NR1D2: variants seen among roughly 807,000 people sequenced by gnomAD.
NR1D2 encodes nuclear receptor subfamily 1 group D member 2, also known as V-erbA-related protein 1-related.
In NR1D2, 25 loss-of-function variants were observed where a neutral mutation model predicts 52.2. That is an observed-to-expected ratio of 0.48 (90% confidence interval 0.35 to 0.67). The LOEUF is 0.67. NR1D2 is among the 30% of genes least tolerant of loss of function. The probability of loss-of-function intolerance (pLI) is 0.01; values close to 1 mark genes in which losing one functional copy is unlikely to be tolerated. For missense variants in NR1D2, 681 were observed against 707.2 expected (o/e 0.96, Z 0.42); for synonymous variants, 259 against 230.1 (o/e 1.13, Z -1.14).
intron 4 of NR1D2, among the ~76,000 whole-genome samples, 166 bp from the exon 5 acceptor site, chr3:23,961,811 G>T (rs1412648849): frequency 6.6e-6 from 1 of 151,988 alleles, no homozygotes; most frequent in Non-Finnish European, 1.5e-5. Context: ...ACTTCCTTTG[G>T]TGCATCAAGA....
In NR1D2 at chr3:23,953,486, A is replaced by C. The variant is rs7619870; in HGVS notation, c.17-1051A>C. ...TTACTGTTATTCTGGTATAGCATGC[A>C]TTCTTCTAGCATCTTTAACACCTAT... On this transcript the variant is annotated intron_variant, in intron 1 of 7. Transcript: ENST00000312521. 4.5e-4 allele frequency among the ~76,000 whole-genome samples: 68 copies of C among 151,954 alleles called. 1 individual carries two copies. Among genetic ancestry groups the C allele is most frequent in the Admixed American group, 1.0e-3 (16 of 15,280 alleles).
intron 1 of NR1D2, among the ~76,000 whole-genome samples, chr3:23,948,032 G>C (rs779224173): frequency 6.6e-5 from 10 of 151,850 alleles, no homozygotes; most frequent in Non-Finnish European, 1.3e-4. Context: ...CAGCAGAATA[G>C]CTTGAACCTG....
chr3:23,958,796 A>G (rs943850022), intron 3 of NR1D2, among the ~76,000 whole-genome samples: 1 of 151,992 alleles, frequency 6.6e-6, no homozygotes, highest in Non-Finnish European at 1.5e-5. Context: ...AAAAATACAA[A>G]AAATTAGCCA....
At chr3:23,976,954 A>T (rs1706742303) in intron 7 of NR1D2, among the ~76,000 whole-genome samples, 1 of 152,078 alleles carries the variant, frequency 6.6e-6, no homozygotes, top group South Asian at 2.1e-4. Flanking sequence ...AAAAGTCAGA[A>T]CCTCTATGTT....
chr3:23,958,642 T>TAAAAAAAAA (rs35959367), intron 3 of NR1D2, among the ~76,000 whole-genome samples: 2 of 98,098 alleles, frequency 2.0e-5, no homozygotes, highest in Non-Finnish European at 3.9e-5. Flanking sequence ...CCTGTCTCTT[T>TAAAAAAAAA]AAAAAAAAAA....
intron 5 of NR1D2, among the ~76,000 whole-genome samples, 189 bp downstream of exon 5, chr3:23,962,794 C>A (rs1706318425): frequency 6.6e-6 from 1 of 152,150 alleles, no homozygotes; most frequent in Admixed American, 6.6e-5. Context: ...CCTAATTTCA[C>A]ACCCAGCTAG....
chr3:23,974,088 C>CTTTTTTT (rs60587118), intron 7 of NR1D2, among the ~76,000 whole-genome samples: 871 of 79,492 alleles, frequency 0.011, 161 homozygotes, highest in African/African-American at 0.038. Context: ...TTACAGTTAC[C>CTTTTTTT]TTTTTTTTTT....
At chr3:23,946,525 G>C (rs1311495975) in intron 1 of NR1D2, 1 of 153,724 alleles carries the variant, frequency 6.5e-6, no homozygotes, top group Non-Finnish European at 1.4e-5. Context: ...TTTGCTCTAG[G>C]ACGCGACCTG....
At chr3:23,976,717 T>G (rs1458818972) in intron 7 of NR1D2, among the ~76,000 whole-genome samples, 2 of 152,150 alleles carry the variant, frequency 1.3e-5, no homozygotes. Context: ...GCCATATTTT[T>G]TTTCATTAGA....
chr3:23,965,292 T>C (rs1470523667), intron 6 of NR1D2, 130 bp downstream of exon 6: 2 of 683,674 alleles, frequency 2.9e-6, no homozygotes, highest in Non-Finnish European at 4.5e-6. Flanking sequence ...CAGGCTGGAG[T>C]GCAGCAGCGC....
rs543620316 is a variant in NR1D2, at chr3:23,948,440, C to G, written c.16+2846C>G. On this transcript the variant is annotated intron_variant, in intron 1 of 7. Coordinates refer to ENST00000312521, the MANE Select transcript of NR1D2 (RefSeq NM_005126.5). Reference sequence around the variant, plus strand: ...TACTGGTCAGTAGGGTTAAGAGATTCAAAAGGTAGTGTGGAAATAACCTAC... The same window carrying G: ...TACTGGTCAGTAGGGTTAAGAGATTGAAAAGGTAGTGTGGAAATAACCTAC... Among the ~76,000 whole-genome samples, 7 of 152,206 alleles carry G rather than the reference C, an allele frequency of 4.6e-5. No homozygotes were observed. In the South Asian group the frequency reaches 1.0e-3, roughly 23 times the overall value.
At chr3:23,974,088 CTTTTTTT>C (rs60587118) in intron 7 of NR1D2, among the ~76,000 whole-genome samples, 54 of 79,504 alleles carry the variant, frequency 6.8e-4, no homozygotes, top group Middle Eastern at 0.029. Flanking sequence ...TTACAGTTAC[CTTTTTTT>C]TTTTTTTTTT....
intron 7 of NR1D2, among the ~76,000 whole-genome samples, chr3:23,971,192 C>T (rs1315033665): frequency 1.3e-5 from 2 of 152,112 alleles, no homozygotes; most frequent in African/African-American, 2.4e-5. Context: ...TTTCCTCTTT[C>T]CTCCACCCCA....
At chr3:23,963,215 A>G (rs561988273) in intron 5 of NR1D2, 6 of 1,273,598 alleles carry the variant, frequency 4.7e-6, no homozygotes, top group East Asian at 9.3e-5. Flanking sequence ...ACGACATTCT[A>G]CATCAAAGTA....
Position 23,980,118 on chromosome 3 carries a change from A to C in NR1D2, c.*2699A>C, listed in dbSNP as rs1464800229. On this transcript the variant is annotated 3_prime_UTR_variant, in exon 8 of 8. Transcript: ENST00000312521. ...AATTAGAAGGAAATTTCAGTGGATTAAGTGTATAGCTTTCATATCTACATT... is the reference window on the plus strand; with the variant it reads ...AATTAGAAGGAAATTTCAGTGGATTCAGTGTATAGCTTTCATATCTACATT... The C allele has an allele frequency of 6.6e-6, 1 of 152,168 alleles. No individual in the cohort carries two copies. The highest frequency in any genetic ancestry group is 1.5e-5 in the Non-Finnish European group (1 of 67,996). The allele number at this position is 152,168 out of a possible 1,614,324, so 9.4% of individuals were successfully genotyped here.
rs78925224 is a variant in NR1D2 at position 23,970,721 on chromosome 3, A to G, written c.1543+2698A>G. ...TACACATATATGAAGTTTCATGTCA[A>G]ATTTTAATCCTTACCACTTAAAAAT... On this transcript the variant is annotated intron_variant, in intron 7 of 7. Coordinates refer to ENST00000312521, the MANE Select transcript of NR1D2 (RefSeq NM_005126.5). Among the ~76,000 whole-genome samples the G allele has an allele frequency of 6.8e-3, 1,035 of 152,290 alleles. 12 individuals carry two copies. The highest frequency in any genetic ancestry group is 0.023 in the African/African-American group (976 of 41,560).
chr3:23,951,596 G>A (rs1405497468), intron 1 of NR1D2, among the ~76,000 whole-genome samples: 1 of 152,200 alleles, frequency 6.6e-6, no homozygotes, highest in Non-Finnish European at 1.5e-5. Context: ...AGGTTTCTAG[G>A]TTAAGTTGGT....
At chr3:23,958,792 A>G (rs1706154586) in intron 3 of NR1D2, among the ~76,000 whole-genome samples, 1 of 152,000 alleles carries the variant, frequency 6.6e-6, no homozygotes, top group African/African-American at 2.4e-5. Context: ...TACTAAAAAT[A>G]CAAAAAATTA....
intron 1 of NR1D2, among the ~76,000 whole-genome samples, chr3:23,950,469 A>G (rs184515933): frequency 8.8e-4 from 134 of 152,336 alleles, no homozygotes; most frequent in African/African-American, 3.1e-3. Flanking sequence ...GGTGACTTGT[A>G]GTTTCACTTT....
Sources: gnomAD v4.1 joint callset for allele counts (sites outside exome capture counted in the v4.1 genomes callset) on GRCh38, gnomAD v4.1.1 for gene constraint, MANE v1.5 for transcripts, NCBI Gene and HGNC (gene_info 2026-07-23, HGNC 2026-07-21) for gene names.